PLEKHG1: variants seen among roughly 807,000 people sequenced by gnomAD.
PLEKHG1 encodes pleckstrin homology and RhoGEF domain containing G1.
A neutral mutation model predicts 100.8 loss-of-function variants in PLEKHG1; 44 were observed. The ratio of observed to expected loss-of-function variants is 0.44; its 90% CI spans 0.34 to 0.56. PLEKHG1 has a LOEUF of 0.56. PLEKHG1 is among the 20% of genes least tolerant of loss of function. PLEKHG1 has a pLI of 0.01. For synonymous variants in PLEKHG1, 640 were observed against 662.5 expected, an observed-to-expected ratio of 0.97 and a Z score of 0.52; for missense variants, 1,545 against 1,720.9, an observed-to-expected ratio of 0.90 and a Z score of 1.81.
At chr6:150,622,465 G>C (rs1045956412) in intron 1 of PLEKHG1, among the ~76,000 whole-genome samples, 85 of 152,192 alleles carry the variant, frequency 5.6e-4, no homozygotes, top group African/African-American at 1.9e-3. Flanking sequence ...TTTGGTGCCA[G>C]AGCTTCCCAG....
At chr6:150,763,521 C>T (rs7773431) in intron 2 of PLEKHG1, among the ~76,000 whole-genome samples, 181 of 152,256 alleles carry the variant, frequency 1.2e-3, no homozygotes, top group African/African-American at 4.2e-3. Context: ...CTCCTGTCAC[C>T]ACAAACCCCC....
chr6:150,792,692 A>AC (rs34737564), intron 4 of PLEKHG1, among the ~76,000 whole-genome samples: 36,615 of 151,736 alleles, frequency 0.24, 4,739 homozygotes, highest in East Asian at 0.39. Flanking sequence ...AACAACAACA[A>AC]AAAAAAACCA....
intron 3 of PLEKHG1, among the ~76,000 whole-genome samples, chr6:150,783,247 G>A (rs1480935674): frequency 6.6e-6 from 1 of 151,368 alleles, no homozygotes; most frequent in African/African-American, 2.4e-5. Context: ...GGAAGATAGA[G>A]AGTAGAAGAG....
At chr6:150,626,283 A>G (rs1777506612) in intron 1 of PLEKHG1, among the ~76,000 whole-genome samples, 1 of 152,200 alleles carries the variant, frequency 6.6e-6, no homozygotes, top group African/African-American at 2.4e-5. Context: ...AAGGCACTGT[A>G]GATTTGCCTA....
chr6:150,624,722 A>C (rs1017005586), intron 1 of PLEKHG1: 1 of 152,120 alleles, frequency 6.6e-6, no homozygotes, highest in Non-Finnish European at 1.5e-5. Flanking sequence ...TCACTTCAAC[A>C]ACAGCAGGCA....
intron 3 of PLEKHG1, among the ~76,000 whole-genome samples, chr6:150,694,893 GC>G (rs1425133332): frequency 6.6e-4 from 101 of 152,112 alleles, no homozygotes; most frequent in African/African-American, 2.3e-3. Flanking sequence ...CAACATATCT[GC>G]CTTCTGTGCT....
intron 1 of PLEKHG1, chr6:150,626,142 C>G (rs1368307868): frequency 9.6e-6 from 1 of 103,896 alleles, no homozygotes; most frequent in Non-Finnish European, 1.8e-5. Flanking sequence ...CAACATAGGC[C>G]ATTGTGGGGC....
intron 1 of PLEKHG1, among the ~76,000 whole-genome samples, chr6:150,728,151 CTA>C (rs1191357057): frequency 1.3e-5 from 2 of 152,306 alleles, no homozygotes; most frequent in East Asian, 1.9e-4. Context: ...TCTGCATTCA[CTA>C]TTATTTGAAC....
At chr6:150,828,086 TC>T (rs1776715539) in intron 14 of PLEKHG1, 1 of 1,612,944 alleles carries the variant, frequency 6.2e-7, no homozygotes, top group Non-Finnish European at 8.5e-7. Flanking sequence ...CCAGGAAGTT[TC>T]CTGATGTCAA....
At chr6:150,721,054 G>A (rs1781647960), upstream of PLEKHG1, 1 of 666,180 alleles carries the variant, frequency 1.5e-6, no homozygotes, top group Admixed American at 6.3e-5. Context: ...AAGCCTTTGT[G>A]TGTTGGGTTT....
intron 3 of PLEKHG1, among the ~76,000 whole-genome samples, chr6:150,674,880 G>A (rs1235558659): frequency 2.6e-5 from 4 of 151,736 alleles, no homozygotes; most frequent in South Asian, 2.1e-4. Context: ...ATGGGGTTTC[G>A]CCATGTTGGC....
At chr6:150,650,442 AAG>A (rs1436831969) in intron 2 of PLEKHG1, among the ~76,000 whole-genome samples, 1 of 152,220 alleles carries the variant, frequency 6.6e-6, no homozygotes, top group Non-Finnish European at 1.5e-5. Flanking sequence ...GTATTATTTC[AAG>A]GGAAAGGGAA....
intron 11 of PLEKHG1, among the ~76,000 whole-genome samples, chr6:150,819,096 C>T (rs1776149953): frequency 6.6e-6 from 1 of 151,832 alleles, no homozygotes; most frequent in Non-Finnish European, 1.5e-5. Context: ...CAACATTTTA[C>T]CTGCAGAAAT....
chr6:150,766,249 T>C (rs773488031), intron 2 of PLEKHG1, among the ~76,000 whole-genome samples: 1 of 152,228 alleles, frequency 6.6e-6, no homozygotes, highest in Admixed American at 6.5e-5. Flanking sequence ...TTTAAATTGA[T>C]CCTTCATAGT....
chr6:150,638,286 T>C (rs112549443), intron 2 of PLEKHG1, among the ~76,000 whole-genome samples: 1,896 of 152,302 alleles, frequency 0.012, 39 homozygotes, highest in African/African-American at 0.043. Flanking sequence ...CTCCCTGGAA[T>C]AATTTAGTCT....
intron 2 of PLEKHG1, among the ~76,000 whole-genome samples, chr6:150,761,209 G>A (rs1488966944): frequency 2.0e-5 from 3 of 147,058 alleles, no homozygotes; most frequent in African/African-American, 7.6e-5. Context: ...GGGTTCAAGC[G>A]ATTCTCCTGC....
At chr6:150,722,349 C>CTTTTTTTTTTTT (rs139069069) in intron 1 of PLEKHG1, among the ~76,000 whole-genome samples, 5 of 90,680 alleles carry the variant, frequency 5.5e-5, no homozygotes, top group Non-Finnish European at 6.4e-5. Context: ...TTTTTCTTTT[C>CTTTTTTTTTTTT]TTTTTTTTTT....
Position 150,745,669 on chromosome 6 carries a change from C to T in PLEKHG1, c.411+11577C>T, listed in dbSNP as rs186646935. Among the ~76,000 whole-genome samples the T allele has an allele frequency of 3.5e-5, 5 of 144,494 alleles. No homozygotes were observed. The East Asian group carries it at 8.1e-4, about 23-fold the overall frequency. The allele number at this position is 144,494 out of a possible 152,430, so 94.8% of individuals were successfully genotyped here. ...CTGCACTCCAGCCTGGGTGACAGAG[C>T]GAGACTCCATCTCAAAAAAAAAAAA... On this transcript the variant is annotated intron_variant, in intron 2 of 15. Coordinates refer to ENST00000358517, the Ensembl canonical transcript of PLEKHG1.
At chr6:150,742,600 G>T in intron 2 of PLEKHG1, among the ~76,000 whole-genome samples, 1 of 150,088 alleles carries the variant, frequency 6.7e-6, no homozygotes. Flanking sequence ...AAAGAGCGCA[G>T]GGAGGGCCCG....
Sources: gnomAD v4.1 joint callset for allele counts (sites outside exome capture counted in the v4.1 genomes callset) on GRCh38, gnomAD v4.1.1 for gene constraint, MANE v1.5 for transcripts, NCBI Gene and HGNC (gene_info 2026-07-23, HGNC 2026-07-21) for gene names.